DNAAF11: variants seen among roughly 807,000 people sequenced by gnomAD.
DNAAF11 encodes the protein leucine rich repeat containing 6.
DNAAF11 carries 45 observed loss-of-function variants against 60.8 expected under a neutral mutation model. The ratio of observed to expected loss-of-function variants is 0.74; its 90% CI spans 0.58 to 0.95. The LOEUF (loss-of-function observed/expected upper bound fraction) is 0.95, where lower values mean the gene tolerates loss of function less well. Among genes scored for constraint, DNAAF11 ranks in the 40% least tolerant of loss-of-function variants. The probability of loss-of-function intolerance (pLI) is 0.00; values close to 1 mark genes in which losing one functional copy is unlikely to be tolerated. For synonymous variants in DNAAF11, 191 were observed against 183.5 expected (o/e 1.04, Z -0.33); for missense variants, 546 against 546.2 (o/e 1.00, Z 0.00).
intron 5 of DNAAF11, among the ~76,000 whole-genome samples, chr8:132,626,445 T>C (rs1820293616): frequency 6.6e-6 from 1 of 152,198 alleles, no homozygotes; most frequent in African/African-American, 2.4e-5. Context: ...TCTTCCCTTT[T>C]ATTCATGTTT....
intron 1 of DNAAF11, among the ~76,000 whole-genome samples, chr8:132,663,604 C>A (rs938161648): frequency 5.9e-5 from 9 of 152,278 alleles, no homozygotes; most frequent in Non-Finnish European, 1.2e-4. Flanking sequence ...TTAAACTACT[C>A]AAATCCATAG....
At chr8:132,613,600 G>A (rs1199588272) in intron 8 of DNAAF11, among the ~76,000 whole-genome samples, 2 of 152,158 alleles carry the variant, frequency 1.3e-5, no homozygotes, top group African/African-American at 2.4e-5. Flanking sequence ...ACTAGACAAT[G>A]GTAATGGTTG....
chr8:132,662,943 G>T (rs1246185140), intron 1 of DNAAF11, among the ~76,000 whole-genome samples: 1 of 152,224 alleles, frequency 6.6e-6, no homozygotes, highest in African/African-American at 2.4e-5. Flanking sequence ...TTCATGTGGA[G>T]TTAGCTAAAC....
At chr8:132,650,286 C>T (rs1200150349) in intron 3 of DNAAF11, among the ~76,000 whole-genome samples, 1 of 151,852 alleles carries the variant, frequency 6.6e-6, no homozygotes, top group African/African-American at 2.4e-5. Flanking sequence ...CCAAACACCG[C>T]ATGTTCTCAC....
At chr8:132,645,462 A>T (rs1822282515) in intron 3 of DNAAF11, among the ~76,000 whole-genome samples, 1 of 152,240 alleles carries the variant, frequency 6.6e-6, no homozygotes, top group African/African-American at 2.4e-5. Context: ...CTCGCCAGCA[A>T]CGGAACAAAG....
intron 9 of DNAAF11, 41 bp downstream of exon 9, chr8:132,611,253 T>G: frequency 7.2e-7 from 1 of 1,390,318 alleles, no homozygotes; most frequent in Non-Finnish European, 1.0e-6. Context: ...AGTTCAAAGC[T>G]TAGCTTTTGA....
At chr8:132,613,959 C>T (rs1818905927) in intron 8 of DNAAF11, among the ~76,000 whole-genome samples, 1 of 148,756 alleles carries the variant, frequency 6.7e-6, no homozygotes, top group African/African-American at 2.5e-5. Flanking sequence ...CTCCCATCAT[C>T]AGTATTTGTT....
At chr8:132,653,475 A>G (rs945218709) in intron 3 of DNAAF11, among the ~76,000 whole-genome samples, 2 of 152,160 alleles carry the variant, frequency 1.3e-5, no homozygotes, top group African/African-American at 2.4e-5. Context: ...AAAGGTAACT[A>G]TATAGGTAAA....
chr8:132,605,323 T>A (rs1045082646), intron 10 of DNAAF11, among the ~76,000 whole-genome samples: 5 of 152,172 alleles, frequency 3.3e-5, no homozygotes, highest in African/African-American at 1.2e-4. Context: ...TCCATGGCAA[T>A]AAAAATTCCA....
intron 10 of DNAAF11, among the ~76,000 whole-genome samples, chr8:132,588,569 A>C (rs145628233): frequency 0.011 from 1,612 of 152,312 alleles, 30 homozygotes; most frequent in African/African-American, 0.037. Context: ...ATAAACAGTT[A>C]AAATACATTG....
intron 3 of DNAAF11, among the ~76,000 whole-genome samples, chr8:132,650,788 AT>A (rs201153087): frequency 0.019 from 2,877 of 152,278 alleles, 101 homozygotes; most frequent in African/African-American, 0.065. Context: ...TCCGGAAGAC[AT>A]TTTAATTACA....
intron 4 of DNAAF11, among the ~76,000 whole-genome samples, chr8:132,635,338 G>A (rs1025961908): frequency 6.6e-6 from 1 of 152,130 alleles, no homozygotes; most frequent in Non-Finnish European, 1.5e-5. Flanking sequence ...GCAGAGAGAG[G>A]GACACTAAGA....
At chr8:132,621,542 G>C (rs76266886) in intron 7 of DNAAF11, among the ~76,000 whole-genome samples, 2,223 of 152,210 alleles carry the variant, frequency 0.015, 65 homozygotes, top group African/African-American at 0.05. Context: ...GGTCTTACCA[G>C]AGACACATGG....
chr8:132,647,498 G>A (rs1174614210), intron 3 of DNAAF11, among the ~76,000 whole-genome samples: 1 of 152,118 alleles, frequency 6.6e-6, no homozygotes, highest in Non-Finnish European at 1.5e-5. Flanking sequence ...CAGAAGGCAA[G>A]AAATAACTTA....
At chr8:132,643,024 A>T (rs1280238597) in intron 3 of DNAAF11, among the ~76,000 whole-genome samples, 4 of 152,194 alleles carry the variant, frequency 2.6e-5, no homozygotes, top group Admixed American at 2.6e-4. Flanking sequence ...ACGAGCACGC[A>T]ACCTACATCC....
At chr8:132,588,360 T>C (rs1321599090) in intron 10 of DNAAF11, among the ~76,000 whole-genome samples, 1 of 152,158 alleles carries the variant, frequency 6.6e-6, no homozygotes, top group Non-Finnish European at 1.5e-5. Context: ...TAAATAAAAG[T>C]GTACATGAAA....
At chr8:132,591,025 T>C (rs1185324346) in intron 10 of DNAAF11, among the ~76,000 whole-genome samples, 1 of 152,224 alleles carries the variant, frequency 6.6e-6, no homozygotes, top group African/African-American at 2.4e-5. Flanking sequence ...CCAATTTCTT[T>C]TATCATGGTG....
At chr8:132,616,861 G>A (rs1381665303) in intron 7 of DNAAF11, among the ~76,000 whole-genome samples, 1 of 152,180 alleles carries the variant, frequency 6.6e-6, no homozygotes, top group East Asian at 1.9e-4. Flanking sequence ...GAGAGCAGGA[G>A]TTTTTTATCC....
rs1055883747 is a variant in DNAAF11, at chr8:132,570,511, C to A, written c.*1795G>T. Among the ~76,000 whole-genome samples, 1 of 152,282 alleles carries A rather than the reference C, an allele frequency of 6.6e-6. No individual in the cohort carries two copies. The highest frequency in any genetic ancestry group is 2.4e-5 in the African/African-American group (1 of 41,554). ...ATGTGGAAATTAAATACAGTCCTGA[C>A]AAATGTACATGATTTCCAAGTTGGT... is the stretch of plus-strand genomic sequence containing the variant. On this transcript the variant is annotated 3_prime_UTR_variant, in exon 12 of 12. Coordinates refer to ENST00000620350, the MANE Select transcript of DNAAF11 (RefSeq NM_012472.6).
Sources: gnomAD v4.1 joint callset for allele counts (sites outside exome capture counted in the v4.1 genomes callset) on GRCh38, gnomAD v4.1.1 for gene constraint, MANE v1.5 for transcripts, NCBI Gene and HGNC (gene_info 2026-07-23, HGNC 2026-07-21) for gene names.